Variants in NDUFB10 observed in about 807,000 individuals in gnomAD.
NDUFB10 encodes the protein NADH:ubiquinone oxidoreductase subunit B10.
In NDUFB10, 23 loss-of-function variants were observed where a neutral mutation model predicts 19.0. The ratio of observed to expected loss-of-function variants is 1.21; its 90% confidence interval spans 0.87 to 1.71. The LOEUF (loss-of-function observed/expected upper bound fraction) is 1.71. Among genes scored for constraint, NDUFB10 ranks in the 40% most tolerant of loss-of-function variants. NDUFB10 has a pLI of 0.00. For synonymous variants in NDUFB10, 104 were observed against 81.8 expected (o/e 1.27, Z -1.46); for missense variants, 312 against 230.6 (o/e 1.35, Z -2.29).
chr16:1,961,643 GCCCCACCCACCCCCAACC>G lies in NDUFB10; in HGVS notation c.409+15_409+32del, dbSNP rs1597035833. On this transcript the variant is annotated splice_region_variant and intron_variant, in intron 3 of 3. Coordinates refer to ENST00000268668, the MANE Select transcript of NDUFB10 (RefSeq NM_004548.3). ...AAGGCCTACCAGGACCGCTGTGCGT[GCCCCACCCACCCCCAACC>G]CCCCACCATCCTCCTGAGGCCTGGG... The G allele has an allele frequency of 6.5e-7, 1 of 1,547,240 alleles. No individual in the cohort carries two copies. The highest frequency in any genetic ancestry group is 8.8e-7 in the Non-Finnish European group (1 of 1,141,072).
At position 1,961,492 on chromosome 16, in the gene NDUFB10, A is replaced by T. The variant is rs2083254251; in HGVS notation, c.270-5A>T. On this transcript the variant is annotated splice_polypyrimidine_tract_variant and splice_region_variant and intron_variant, in intron 2 of 3. Coordinates refer to ENST00000268668, the MANE Select transcript of NDUFB10 (RefSeq NM_004548.3). Reference sequence around the variant, plus strand: ...TTAGCCTCTCTTGCTCCTTTTCTCCACCAGCAAAGTCGACCAAGAAATTAT... The same window carrying T: ...TTAGCCTCTCTTGCTCCTTTTCTCCTCCAGCAAAGTCGACCAAGAAATTAT... 6.2e-7 allele frequency: 1 copy of T among 1,613,948 alleles called. No homozygotes were observed. Among genetic ancestry groups the T allele is most frequent in the Non-Finnish European group, 8.5e-7 (1 of 1,179,926 alleles).
At chr16:1,961,363 C>T (rs2083253439) in intron 2 of NDUFB10, 72 bp downstream of exon 2, 3 of 1,603,892 alleles carry the variant, frequency 1.9e-6, no homozygotes, top group East Asian at 4.5e-5. Flanking sequence ...TGGGATGCCA[C>T]AGGGTGGCAT....
In NDUFB10 at chr16:1,961,197, CACCG is replaced by C; in HGVS notation, c.176_179del (p.His59ArgfsTer132). The C allele has an allele frequency of 6.2e-7, 1 of 1,614,134 alleles. No individual in the cohort carries two copies. The highest frequency in any genetic ancestry group is 8.5e-7 in the Non-Finnish European group (1 of 1,180,026). Reference sequence around the variant, plus strand: ...CGCAAAGAACAGGTATTACTACTACCACCGGCAGTACCGCCGCGTGCCAGACATC... The same window carrying C: ...CGCAAAGAACAGGTATTACTACTACCGCAGTACCGCCGCGTGCCAGACATC... On this transcript the variant is annotated frameshift_variant, in exon 2 of 4. Coordinates refer to ENST00000268668, the MANE Select transcript of NDUFB10 (RefSeq NM_004548.3). LOFTEE classifies it high-confidence loss of function.
Position 1,961,502 on chromosome 16 carries a change from T to C in NDUFB10, c.275T>C (p.Val92Ala), listed in dbSNP as rs2083254356. 1 of 1,613,904 alleles carries C rather than the reference T, an allele frequency of 6.2e-7. No individual in the cohort carries two copies. Among genetic ancestry groups the C allele is most frequent in the Non-Finnish European group, 8.5e-7 (1 of 1,179,994 alleles). ...TTGCTCCTTTTCTCCACCAGCAAAGTCGACCAAGAAATTATCAACATTATG... is the reference window on the plus strand; with the variant it reads ...TTGCTCCTTTTCTCCACCAGCAAAGCCGACCAAGAAATTATCAACATTATG... ...AEMQWKRDYK[V>A]DQEIINIMQD... Residue 92 changes from valine (V) to alanine (A), a missense_variant, in exon 3 of 4, where the codon GTC becomes GCC. Physicochemically the swap from Val to Ala is moderately conservative, Grantham distance 64 (BLOSUM62 0). Transcript: ENST00000268668.
chr16:1,959,822 G>T, intron 1 of NDUFB10, 68 bp downstream of exon 1: 1 of 1,593,160 alleles, frequency 6.3e-7, no homozygotes, highest in Non-Finnish European at 8.6e-7. Context: ...ACCCTGCCTG[G>T]ATCCTCCAAT....
At position 1,961,863 on chromosome 16, in the gene NDUFB10, AAG is replaced by A; in HGVS notation, c.482_483del (p.Arg161LysfsTer25). 1.3e-6 allele frequency: 2 copies of A among 1,565,764 alleles called. No homozygotes were observed. The highest frequency in any genetic ancestry group is 1.7e-6 in the Non-Finnish European group (2 of 1,154,662). On this transcript the variant is annotated frameshift_variant, in exon 4 of 4. Coordinates refer to ENST00000268668, the MANE Select transcript of NDUFB10 (RefSeq NM_004548.3). LOFTEE classifies it high-confidence loss of function. ...GCCAAACAGAGGCAGAGGATGCTGC[AAG>A]AGAGAAAAGCTGCAAAAGAGGCCGC...
chr16:1,959,872 C>T (rs1352750209), intron 1 of NDUFB10, 118 bp downstream of exon 1: 3 of 1,282,056 alleles, frequency 2.3e-6, no homozygotes, highest in African/African-American at 2.9e-5. Flanking sequence ...CCCCCCGCTG[C>T]ACCCCGGGGA....
Position 1,961,811 on chromosome 16 carries a change from G to C in NDUFB10, c.424G>C (p.Ala142Pro), listed in dbSNP as rs567165467. 1.2e-5 allele frequency: 18 copies of C among 1,556,100 alleles called. No individual in the cohort carries two copies. The highest frequency in any genetic ancestry group is 1.5e-5 in the Non-Finnish European group (17 of 1,149,218). ...AYQDRYQDLG[A>P]YSSARKCLAK... is the part of the protein sequence containing the mutation. ...TGCTTCCCCAGATCAGGACCTGGGG[G>C]CCTACAGTTCTGCCAGGAAGTGCCT... Residue 142 changes from alanine (A) to proline (P), a missense_variant, in exon 4 of 4, where the codon GCC becomes CCC. Physicochemically the swap from Ala to Pro is conservative, Grantham distance 27 (BLOSUM62 -1). Transcript: ENST00000268668.
At chr16:1,961,344 A>C in intron 2 of NDUFB10, 53 bp downstream of exon 2, 1 of 1,608,622 alleles carries the variant, frequency 6.2e-7, no homozygotes, top group Non-Finnish European at 8.5e-7. Context: ...CTGCTGGGAC[A>C]CTAGTCCCTG....
At chr16:1,960,247 TCTCA>T (rs1204995268) in intron 1 of NDUFB10, among the ~76,000 whole-genome samples, 12 of 150,348 alleles carry the variant, frequency 8.0e-5, no homozygotes, top group African/African-American at 2.9e-4. Flanking sequence ...CCTGAGACAG[TCTCA>T]CTCTGTTGCC....
At position 1,961,837 on chromosome 16, in the gene NDUFB10, G is replaced by C. The variant is rs1264434716; in HGVS notation, c.450G>C (p.Leu150=). 1.3e-6 allele frequency: 2 copies of C among 1,563,184 alleles called. No individual in the cohort carries two copies. Among genetic ancestry groups the C allele is most frequent in the African/African-American group, 1.4e-5 (1 of 73,956 alleles). Reference sequence around the variant, plus strand: ...CCTACAGTTCTGCCAGGAAGTGCCTGGCCAAACAGAGGCAGAGGATGCTGC... The same window carrying C: ...CCTACAGTTCTGCCAGGAAGTGCCTCGCCAAACAGAGGCAGAGGATGCTGC... The part of the protein sequence containing the change: ...LGAYSSARKC[L]AKQRQRMLQE... The change falls in exon 4 of 4, where the codon CTG becomes CTC. Residue 150 remains leucine, a synonymous_variant. Transcript: ENST00000268668.
At position 1,961,643 on chromosome 16, in the gene NDUFB10, G is replaced by A. The variant is rs894799761; in HGVS notation, c.409+7G>A. 21 of 1,547,244 alleles carry A rather than the reference G, an allele frequency of 1.4e-5. No homozygotes were observed. The highest frequency in any genetic ancestry group is 1.6e-5 in the Non-Finnish European group (18 of 1,141,076). ...AAGGCCTACCAGGACCGCTGTGCGT[G>A]CCCCACCCACCCCCAACCCCCCACC... On this transcript the variant is annotated splice_region_variant and intron_variant, in intron 3 of 3. Coordinates refer to ENST00000268668, the MANE Select transcript of NDUFB10 (RefSeq NM_004548.3).
chr16:1,961,543 G>T lies in NDUFB10; in HGVS notation c.316G>T (p.Ala106Ser). 6.2e-7 allele frequency: 1 copy of T among 1,614,108 alleles called. No homozygotes were observed. The highest frequency in any genetic ancestry group is 8.5e-7 in the Non-Finnish European group (1 of 1,180,040). ...IINIMQDRLK[A>S]CQQREGQNYQ... ...CAACATTATGCAGGATCGGCTCAAA[G>T]CCTGTCAGCAGAGGGAAGGACAGAA... The change falls in exon 3 of 4, where the codon GCC becomes TCC. Residue 106 changes from alanine (A) to serine (S), a missense_variant. Ala to Ser is a moderately conservative substitution (Grantham distance 99, BLOSUM62 1). Coordinates refer to ENST00000268668, the MANE Select transcript of NDUFB10 (RefSeq NM_004548.3).
intron 1 of NDUFB10, 138 bp from the exon 2 acceptor site, chr16:1,961,015 G>C: frequency 1.8e-6 from 2 of 1,086,014 alleles, no homozygotes; most frequent in Non-Finnish European, 2.6e-6. Flanking sequence ...CCCTTAGAGA[G>C]ACGAATTGCT....
chr16:1,959,704 T>C lies in NDUFB10; in HGVS notation c.80T>C (p.Met27Thr), dbSNP rs2083240942. Reference sequence around the variant, plus strand: ...GTGCAGCCCAATCCCATCGTCTACATGATGAAAGCGTTCGACCTCATCGTG... The same window carrying C: ...GTGCAGCCCAATCCCATCGTCTACACGATGAAAGCGTTCGACCTCATCGTG... Reference protein sequence around the residue: ...TPVQPNPIVYMMKAFDLIVDR... With the variant: ...TPVQPNPIVYTMKAFDLIVDR... Residue 27 changes from methionine (M) to threonine (T), a missense_variant, in exon 1 of 4, where the codon ATG becomes ACG. Coordinates refer to ENST00000268668, the MANE Select transcript of NDUFB10 (RefSeq NM_004548.3). 2 of 1,613,164 alleles carry C rather than the reference T, an allele frequency of 1.2e-6. No homozygotes were observed. Among genetic ancestry groups the C allele is most frequent in the African/African-American group, 2.7e-5 (2 of 74,860 alleles).
rs1467064041 is a variant in NDUFB10 at position 1,959,610 on chromosome 16, G to A, written c.-15G>A. 6.2e-7 allele frequency: 1 copy of A among 1,602,826 alleles called. No homozygotes were observed. The highest frequency in any genetic ancestry group is 8.5e-7 in the Non-Finnish European group (1 of 1,174,726). ...GGCAGCGCGTCCGGGAGCGGAGTCC[G>A]CGCCCGCCGCCGCCATGCCGGACAG... On this transcript the variant is annotated 5_prime_UTR_variant, in exon 1 of 4. Coordinates refer to ENST00000268668, the MANE Select transcript of NDUFB10 (RefSeq NM_004548.3).
At chr16:1,961,353 T>C (rs2083253407) in intron 2 of NDUFB10, 62 bp downstream of exon 2, 9 of 1,606,794 alleles carry the variant, frequency 5.6e-6, no homozygotes, top group Non-Finnish European at 6.8e-6. Context: ...CACTAGTCCC[T>C]GGGATGCCAC....
In NDUFB10 at chr16:1,961,649, C is replaced by T. The variant is rs763793518; in HGVS notation, c.409+13C>T. 2.6e-6 allele frequency: 4 copies of T among 1,557,680 alleles called. No homozygotes were observed. The African/African-American group carries it at 4.2e-5, about 16-fold the overall frequency. On this transcript the variant is annotated intron_variant, in intron 3 of 3. Transcript: ENST00000268668. ...TACCAGGACCGCTGTGCGTGCCCCA[C>T]CCACCCCCAACCCCCCACCATCCTC...
intron 1 of NDUFB10, among the ~76,000 whole-genome samples, 162 bp from the exon 2 acceptor site, chr16:1,960,991 C>T (rs1361634660): frequency 6.6e-6 from 1 of 152,222 alleles, no homozygotes; most frequent in Non-Finnish European, 1.5e-5. Flanking sequence ...ACAGGCCTGC[C>T]TGGCTGGCCA....
Sources: gnomAD v4.1 joint callset for allele counts (sites outside exome capture counted in the v4.1 genomes callset) on GRCh38, gnomAD v4.1.1 for gene constraint, MANE v1.5 for transcripts, NCBI Gene and HGNC (gene_info 2026-07-23, HGNC 2026-07-21) for gene names.